EYS: variants seen among roughly 807,000 people sequenced by gnomAD.
EYS encodes the protein protein eyes shut homolog.
Under a neutral mutation model 282.1 loss-of-function variants are expected in EYS, and 250 were observed. The observed-to-expected ratio is 0.89, with a 90% confidence interval of 0.80 to 0.98. The LOEUF is 0.98. EYS is among the 50% of genes least tolerant of loss of function. EYS has a pLI of 0.00. For synonymous variants in EYS, 1,355 were observed against 1,282.9 expected, an observed-to-expected ratio of 1.06 and a Z score of -1.20; for missense variants, 4,016 against 3,709.0, an observed-to-expected ratio of 1.08 and a Z score of -2.15.
intron 31 of EYS, among the ~76,000 whole-genome samples, chr6:64,147,978 C>G (rs543809383): frequency 6.6e-6 from 1 of 152,050 alleles, no homozygotes; most frequent in Non-Finnish European, 1.5e-5. Context: ...CTAAACTGAC[C>G]GAGTGGCAGA....
chr6:64,195,385 C>T (rs1765254630), intron 31 of EYS, among the ~76,000 whole-genome samples: 1 of 152,192 alleles, frequency 6.6e-6, no homozygotes, highest in Non-Finnish European at 1.5e-5. Flanking sequence ...TCACTGCCAC[C>T]TCCACCTCCC....
chr6:64,804,012 C>T (rs141496967), intron 22 of EYS, among the ~76,000 whole-genome samples: 269 of 152,254 alleles, frequency 1.8e-3, no homozygotes, highest in Admixed American at 2.8e-3. Context: ...TGGAAGGGGG[C>T]GTGGTTCCTG....
At chr6:64,923,811 T>G (rs1471599191) in intron 15 of EYS, among the ~76,000 whole-genome samples, 1 of 152,230 alleles carries the variant, frequency 6.6e-6, no homozygotes, top group Non-Finnish European at 1.5e-5. Flanking sequence ...CATGTCACAC[T>G]GGTGCAAGAG....
intron 13 of EYS, among the ~76,000 whole-genome samples, chr6:65,000,947 G>C (rs897299032): frequency 6.6e-6 from 1 of 152,180 alleles, no homozygotes; most frequent in Non-Finnish European, 1.5e-5. Context: ...CAGGACATGC[G>C]ACAGGGGTGT....
intron 8 of EYS, among the ~76,000 whole-genome samples, chr6:65,383,370 T>G (rs975793392): frequency 6.6e-6 from 1 of 151,888 alleles, no homozygotes. Flanking sequence ...CATGTCTTAA[T>G]TAGTTGTTGC....
chr6:64,263,897 G>T (rs1026521373), intron 30 of EYS, among the ~76,000 whole-genome samples: 1 of 152,246 alleles, frequency 6.6e-6, no homozygotes, highest in South Asian at 2.1e-4. Flanking sequence ...AAAGCCTGCA[G>T]CTTCAAATAT....
chr6:64,617,663 A>T (rs1236831960), intron 23 of EYS, 130 bp from the exon 24 acceptor site: 2 of 640,494 alleles, frequency 3.1e-6, no homozygotes, highest in Non-Finnish European at 5.5e-6. Context: ...AAATTACCTC[A>T]GTGTATCTTC....
chr6:65,289,625 T>A (rs1440073439), intron 12 of EYS, among the ~76,000 whole-genome samples: 1 of 151,126 alleles, frequency 6.6e-6, no homozygotes, highest in Non-Finnish European at 1.5e-5. Flanking sequence ...CAAGCACTAT[T>A]CAAAAATTAT....
At chr6:65,413,768 A>T (rs1767120945) in intron 5 of EYS, among the ~76,000 whole-genome samples, 1 of 151,988 alleles carries the variant, frequency 6.6e-6, no homozygotes, top group Non-Finnish European at 1.5e-5. Context: ...AGGCAGAAGA[A>T]TTGCTAGAAC....
chr6:64,603,447 C>T (rs1235961522), intron 24 of EYS, among the ~76,000 whole-genome samples: 1 of 151,940 alleles, frequency 6.6e-6, no homozygotes, highest in Non-Finnish European at 1.5e-5. Flanking sequence ...TGTTGCCTCC[C>T]AAGAGCACAC....
At chr6:64,371,517 T>C (rs1348060230) in intron 29 of EYS, among the ~76,000 whole-genome samples, 1 of 152,220 alleles carries the variant, frequency 6.6e-6, no homozygotes, top group African/African-American at 2.4e-5. Flanking sequence ...TTCTATAGTA[T>C]GTTTATTAGG....
intron 22 of EYS, among the ~76,000 whole-genome samples, chr6:64,672,051 T>C (rs1769481399): frequency 6.6e-6 from 1 of 152,206 alleles, no homozygotes; most frequent in Non-Finnish European, 1.5e-5. Flanking sequence ...TACTGAATTA[T>C]TCTGGTTTTA....
intron 29 of EYS, among the ~76,000 whole-genome samples, chr6:64,329,931 G>A (rs1325452589): frequency 6.6e-6 from 1 of 152,074 alleles, no homozygotes; most frequent in East Asian, 1.9e-4. Flanking sequence ...CATCCAACTA[G>A]CTCCTGAAAG....
At chr6:65,424,249 C>T (rs908368461) in intron 5 of EYS, among the ~76,000 whole-genome samples, 2 of 151,906 alleles carry the variant, frequency 1.3e-5, no homozygotes, top group Admixed American at 6.6e-5. Flanking sequence ...ATTATGTTCC[C>T]TAGCAATTTT....
At chr6:64,176,893 T>C (rs1316349046) in intron 31 of EYS, among the ~76,000 whole-genome samples, 3 of 152,066 alleles carry the variant, frequency 2.0e-5, no homozygotes, top group African/African-American at 7.2e-5. Context: ...GCTTTTAGTC[T>C]AGTTTCCATT....
chr6:64,934,905 G>A (rs1768854356), intron 15 of EYS, among the ~76,000 whole-genome samples: 2 of 151,644 alleles, frequency 1.3e-5, no homozygotes, highest in Non-Finnish European at 3.0e-5. Flanking sequence ...TCTTTTCTCT[G>A]TATATGATTT....
At chr6:63,887,987 T>G (rs2149722765) in intron 35 of EYS, among the ~76,000 whole-genome samples, 1 of 152,274 alleles carries the variant, frequency 6.6e-6, no homozygotes, top group Middle Eastern at 3.4e-3. Flanking sequence ...TACTGAAGCT[T>G]GAGTTTTCCC....
intron 26 of EYS, among the ~76,000 whole-genome samples, chr6:64,495,290 G>A (rs565346043): frequency 1.3e-5 from 2 of 151,594 alleles, no homozygotes; most frequent in African/African-American, 2.4e-5. Context: ...ACAACAACTC[G>A]GCAACTAGCT....
At chr6:65,258,252 G>C (rs532305881) in intron 12 of EYS, among the ~76,000 whole-genome samples, 1 of 152,020 alleles carries the variant, frequency 6.6e-6, no homozygotes, top group Admixed American at 6.6e-5. Flanking sequence ...TAAAAGTGGG[G>C]GGAAAAATCC....
Sources: gnomAD v4.1 joint callset for allele counts (sites outside exome capture counted in the v4.1 genomes callset) on GRCh38, gnomAD v4.1.1 for gene constraint, MANE v1.5 for transcripts, NCBI Gene and HGNC (gene_info 2026-07-23, HGNC 2026-07-21) for gene names.